Variants in ATP8A2 observed in about 807,000 individuals in gnomAD.
ATP8A2 encodes phospholipid-transporting ATPase IB.
In ATP8A2, 100 loss-of-function variants were observed where a neutral mutation model predicts 165.6. The ratio of observed to expected loss-of-function variants is 0.60; its 90% CI spans 0.51 to 0.71. The LOEUF (loss-of-function observed/expected upper bound fraction) is 0.71. Among genes scored for constraint, ATP8A2 ranks in the 30% least tolerant of loss-of-function variants. The pLI, the probability that ATP8A2 is intolerant of heterozygous loss-of-function variation, is 0.00. For missense variants in ATP8A2, 1,227 were observed against 1,479.5 expected (o/e 0.83, Z 2.80); for synonymous variants, 543 against 548.8 (o/e 0.99, Z 0.15).
chr13:25,566,780 C>G (rs2039326722), intron 16 of ATP8A2, among the ~76,000 whole-genome samples: 1 of 152,306 alleles, frequency 6.6e-6, no homozygotes, highest in African/African-American at 2.4e-5. Flanking sequence ...TATGAAATAC[C>G]TTGCTCTTGG....
rs1017864792 is a variant in ATP8A2 at position 25,497,919 on chromosome 13, G to A, written c.221+28798G>A. The stretch of plus-strand genomic sequence containing the variant: ...AGAGGTTGCAGTGAGCCGAGATCGC[G>A]CCACTGCACTCCAGCCTGGGCAACC... On this transcript the variant is annotated intron_variant, in intron 2 of 36. Transcript: ENST00000381655. 3.9e-5 allele frequency among the ~76,000 whole-genome samples: 6 copies of A among 152,058 alleles called. No homozygotes were observed. The South Asian group carries it at 8.3e-4, about 21-fold the overall frequency.
At chr13:25,518,297 G>A (rs906336701) in intron 2 of ATP8A2, among the ~76,000 whole-genome samples, 2 of 152,220 alleles carry the variant, frequency 1.3e-5, no homozygotes, top group African/African-American at 2.4e-5. Flanking sequence ...TGCTAGGATG[G>A]AAGGCTTCCA....
rs867785809 is a variant in ATP8A2 at position 25,928,431 on chromosome 13, C to A, written c.3184-33144C>A. 5.9e-5 allele frequency among the ~76,000 whole-genome samples: 9 copies of A among 152,294 alleles called. No individual in the cohort carries two copies. In the Middle Eastern group the frequency reaches 0.014, roughly 230 times the overall value. ...ACATTGAGCCTGTATTGATTTTCAT[C>A]CTCTCTAAAATTAGCTCAGCCAGTC... On this transcript the variant is annotated intron_variant, in intron 33 of 36. Coordinates refer to ENST00000381655, the MANE Select transcript of ATP8A2 (RefSeq NM_016529.6).
At chr13:26,013,860 C>T (rs1271294011) in intron 36 of ATP8A2, among the ~76,000 whole-genome samples, 3 of 152,126 alleles carry the variant, frequency 2.0e-5, no homozygotes, top group Non-Finnish European at 4.4e-5. Flanking sequence ...GTAATCTACC[C>T]CCTGTCCTCA....
At chr13:25,718,082 T>C (rs919167617) in intron 25 of ATP8A2, among the ~76,000 whole-genome samples, 4 of 152,192 alleles carry the variant, frequency 2.6e-5, no homozygotes, top group Non-Finnish European at 5.9e-5. Context: ...TTATGTCCCA[T>C]GCACCCCAGC....
At chr13:25,966,601 C>T (rs995644622) in intron 34 of ATP8A2, among the ~76,000 whole-genome samples, 5 of 152,206 alleles carry the variant, frequency 3.3e-5, no homozygotes, top group African/African-American at 1.2e-4. Context: ...CCCAGGCTAG[C>T]TCACAGGGGC....
intron 30 of ATP8A2, among the ~76,000 whole-genome samples, chr13:25,841,970 G>A (rs936330366): frequency 1.3e-5 from 2 of 152,068 alleles, no homozygotes; most frequent in African/African-American, 2.4e-5. Flanking sequence ...TATTCATGAG[G>A]GTGGCGCCCC....
At chr13:25,648,783 T>C (rs902436883) in intron 24 of ATP8A2, among the ~76,000 whole-genome samples, 1 of 152,238 alleles carries the variant, frequency 6.6e-6, no homozygotes, top group Non-Finnish European at 1.5e-5. Context: ...GAAAATGCTA[T>C]GTAAATACTT....
chr13:25,815,125 T>G (rs1170579006), intron 27 of ATP8A2, among the ~76,000 whole-genome samples: 1 of 152,030 alleles, frequency 6.6e-6, no homozygotes, highest in African/African-American at 2.4e-5. Flanking sequence ...AGGGGACAGT[T>G]TCATGACATT....
intron 2 of ATP8A2, among the ~76,000 whole-genome samples, chr13:25,471,953 A>AAG (rs2035857666): frequency 6.6e-6 from 1 of 152,242 alleles, no homozygotes; most frequent in Admixed American, 6.5e-5. Flanking sequence ...CTGTGAGCGT[A>AAG]AGTTTCCGCA....
chr13:25,711,071 C>T (rs1488099275), intron 25 of ATP8A2, among the ~76,000 whole-genome samples: 1 of 152,096 alleles, frequency 6.6e-6, no homozygotes, highest in Non-Finnish European at 1.5e-5. Flanking sequence ...GTGGTGCGAA[C>T]TCAGCTCACT....
rs1246376046 is a variant in ATP8A2 at position 25,512,737 on chromosome 13, A to AC, written c.222-17254dup. On this transcript the variant is annotated intron_variant, in intron 2 of 36. Transcript: ENST00000381655. ...GGGCAGCTGGCCGGGCGGGGGGCTG[A>AC]CCCCCCCCACCTCCCTCCCGGATGG... Among the ~76,000 whole-genome samples, 55 of 106,568 alleles carry AC rather than the reference A, an allele frequency of 5.2e-4. 2 individuals are homozygous for AC. Among genetic ancestry groups the AC allele is most frequent in the East Asian group, 2.2e-3 (7 of 3,184 alleles). 69.9% of individuals were successfully genotyped at this position (106,568 alleles called of 152,430 possible).
intron 25 of ATP8A2, among the ~76,000 whole-genome samples, chr13:25,701,643 T>C (rs898868517): frequency 1.1e-4 from 17 of 152,034 alleles, no homozygotes; most frequent in African/African-American, 4.1e-4. Flanking sequence ...ATGAGTCCGT[T>C]GGATTCTCAG....
At chr13:25,841,945 A>T (rs752876827) in intron 30 of ATP8A2, among the ~76,000 whole-genome samples, 16 of 152,154 alleles carry the variant, frequency 1.1e-4, no homozygotes, top group Non-Finnish European at 2.4e-4. Flanking sequence ...CATGCCAGTG[A>T]CAACAGCATT....
chr13:25,640,600 A>C (rs1355711439), intron 24 of ATP8A2, among the ~76,000 whole-genome samples: 2 of 152,216 alleles, frequency 1.3e-5, no homozygotes, highest in Non-Finnish European at 2.9e-5. Flanking sequence ...TCTGAAATTG[A>C]GGCAATAATT....
chr13:25,628,618 T>C (rs2041161538), intron 24 of ATP8A2, among the ~76,000 whole-genome samples: 1 of 151,960 alleles, frequency 6.6e-6, no homozygotes, highest in African/African-American at 2.4e-5. Flanking sequence ...AGGCTAAAAG[T>C]CCAAAATCAA....
chr13:25,488,340 C>T (rs1209885354), intron 2 of ATP8A2, among the ~76,000 whole-genome samples: 1 of 152,226 alleles, frequency 6.6e-6, no homozygotes, highest in Non-Finnish European at 1.5e-5. Flanking sequence ...CTCCCCGTGC[C>T]CCTGGCAGTC....
chr13:25,476,595 A>G (rs2036002685), intron 2 of ATP8A2, among the ~76,000 whole-genome samples: 2 of 152,190 alleles, frequency 1.3e-5, no homozygotes, highest in South Asian at 2.1e-4. Context: ...TGACAGAATC[A>G]TAACTTTTTT....
chr13:25,647,560 T>A (rs2041704830), intron 24 of ATP8A2, among the ~76,000 whole-genome samples: 1 of 152,220 alleles, frequency 6.6e-6, no homozygotes, highest in African/African-American at 2.4e-5. Context: ...TTGATTATTA[T>A]GTGTGTTAGT....
Sources: allele counts gnomAD v4.1 joint callset (sites outside exome capture counted in the v4.1 genomes callset), GRCh38; gene constraint gnomAD v4.1.1; transcripts MANE v1.5; gene names NCBI Gene and HGNC (gene_info 2026-07-23, HGNC 2026-07-21).